SLC8A1: variants seen among roughly 807,000 people sequenced by gnomAD.
SLC8A1 encodes solute carrier family 8 member A1.
A neutral mutation model predicts 68.3 loss-of-function variants in SLC8A1; 18 were observed. The ratio of observed to expected loss-of-function variants is 0.26; its 90% CI spans 0.18 to 0.39. SLC8A1 has a LOEUF of 0.39. Ranked by LOEUF, SLC8A1 falls within the 10% of genes least tolerant of loss-of-function variation. The probability of loss-of-function intolerance (pLI) is 1.00; values close to 1 mark genes in which losing one functional copy is unlikely to be tolerated. For missense variants in SLC8A1, 985 were observed against 1,156.7 expected, an observed-to-expected ratio of 0.85 and a Z score of 2.15; for synonymous variants, 475 against 415.5, an observed-to-expected ratio of 1.14 and a Z score of -1.74.
chr2:40,309,677 T>C (rs1313979137), intron 2 of SLC8A1, among the ~76,000 whole-genome samples: 1 of 152,032 alleles, frequency 6.6e-6, no homozygotes, highest in East Asian at 1.9e-4. Context: ...AGCTAATTTT[T>C]GTATTTTCAG....
intron 3 of SLC8A1, among the ~76,000 whole-genome samples, 199 bp from the exon 5 acceptor site, chr2:40,175,041 T>G (rs1281642761): frequency 6.6e-6 from 1 of 152,142 alleles, no homozygotes; most frequent in African/African-American, 2.4e-5. Flanking sequence ...AATTTAATTC[T>G]TGTGCATACC....
At chr2:40,180,448 G>A (rs34078731) in intron 2 of SLC8A1, among the ~76,000 whole-genome samples, 1,676 of 152,206 alleles carry the variant, frequency 0.011, 10 homozygotes, top group African/African-American at 0.018. Context: ...CAAAACTTAC[G>A]CATTTTGGGT....
At chr2:40,117,022 T>A (rs904131894) in intron 7 of SLC8A1, 3 of 152,196 alleles carry the variant, frequency 2.0e-5, no homozygotes, top group African/African-American at 7.2e-5. Flanking sequence ...ACTGCTCACT[T>A]CAGAGTGCTG....
intron 2 of SLC8A1, among the ~76,000 whole-genome samples, chr2:40,284,859 A>G (rs895344176): frequency 2.0e-5 from 3 of 152,014 alleles, no homozygotes; most frequent in African/African-American, 4.8e-5. Context: ...CACTTCTTCA[A>G]GAGGTAAAAG....
At chr2:40,244,910 G>A (rs1043123092) in intron 2 of SLC8A1, among the ~76,000 whole-genome samples, 5 of 152,152 alleles carry the variant, frequency 3.3e-5, no homozygotes, top group African/African-American at 1.2e-4. Context: ...AAGTCCCAGT[G>A]CACTCATTCT....
At chr2:40,240,547 GCTGT>G (rs1234702047) in intron 2 of SLC8A1, among the ~76,000 whole-genome samples, 1 of 152,088 alleles carries the variant, frequency 6.6e-6, no homozygotes, top group Non-Finnish European at 1.5e-5. Context: ...TCCCAGAGAG[GCTGT>G]CTCTCTATTG....
At chr2:40,375,322 C>T (rs897622565) in intron 2 of SLC8A1, among the ~76,000 whole-genome samples, 10 of 152,142 alleles carry the variant, frequency 6.6e-5, no homozygotes, top group African/African-American at 9.6e-5. Context: ...TATTTATCTT[C>T]CTGTTGGTTT....
At chr2:40,393,213 A>AT (rs1322910454) in intron 2 of SLC8A1, among the ~76,000 whole-genome samples, 2 of 148,938 alleles carry the variant, frequency 1.3e-5, no homozygotes, top group Non-Finnish European at 3.0e-5. Context: ...TTTTTCTGAA[A>AT]ATTCCGAAAG....
chr2:40,306,949 G>T (rs79519157), intron 2 of SLC8A1, among the ~76,000 whole-genome samples: 1 of 151,974 alleles, frequency 6.6e-6, no homozygotes, highest in African/African-American at 2.4e-5. Context: ...TATAGTAAAG[G>T]CTTGTTCTGT....
intron 2 of SLC8A1, chr2:40,220,515 C>G (rs553014623): frequency 6.6e-6 from 1 of 152,300 alleles, no homozygotes; most frequent in African/African-American, 2.4e-5. Context: ...GCTAGCTGAT[C>G]TGGAGACTAG....
intron 7 of SLC8A1, among the ~76,000 whole-genome samples, chr2:40,133,393 G>A (rs201090717): frequency 9.8e-4 from 1 of 1,020 alleles, no homozygotes; most frequent in African/African-American, 2.2e-3. Context: ...TACAAAATTG[G>A]GGGGGGGGGG....
At chr2:40,472,345 G>A (rs1704035618) in intron 1 of SLC8A1, among the ~76,000 whole-genome samples, 1 of 151,978 alleles carries the variant, frequency 6.6e-6, no homozygotes, top group South Asian at 2.1e-4. Context: ...TTACTCCAGG[G>A]AGTTGGAGAT....
At chr2:40,502,937 A>G (rs1049410153) in intron 1 of SLC8A1, among the ~76,000 whole-genome samples, 7 of 152,000 alleles carry the variant, frequency 4.6e-5, no homozygotes, top group Admixed American at 1.3e-4. Flanking sequence ...AAGCTCGAGC[A>G]ATAGCAAAAC....
exon 7 of SLC8A1, chr2:40,139,514 A>C: frequency 6.2e-7 from 1 of 1,614,204 alleles, no homozygotes; most frequent in Non-Finnish European, 8.5e-7. Flanking sequence ...CAGTAGGCCA[A>C]TCATGAGGAT....
Position 40,479,277 on chromosome 2 carries a change from G to A in SLC8A1, c.-25+33072C>T, listed in dbSNP as rs1277252213. ...AAATATTTAAGAGCTGTCAAAATTT[G>A]TATCTTTTGTATGTAACTTCAACTT... is the stretch of plus-strand genomic sequence containing the variant. On this transcript the variant is annotated intron_variant, in intron 1 of 7. Coordinates refer to the SLC8A1 transcript ENST00000402441. Among the ~76,000 whole-genome samples the A allele has an allele frequency of 2.0e-5, 3 of 152,200 alleles. No homozygotes were observed. The East Asian group carries it at 5.8e-4, about 29-fold the overall frequency.
intron 2 of SLC8A1, among the ~76,000 whole-genome samples, chr2:40,338,209 G>A (rs188629258): frequency 6.6e-6 from 1 of 152,108 alleles, no homozygotes; most frequent in Non-Finnish European, 1.5e-5. Context: ...TCAGAAGACA[G>A]AGATCTTCAA....
At chr2:40,305,547 G>A (rs1380412002) in intron 2 of SLC8A1, among the ~76,000 whole-genome samples, 1 of 152,158 alleles carries the variant, frequency 6.6e-6, no homozygotes, top group Non-Finnish European at 1.5e-5. Context: ...CAGGAAAAGG[G>A]ATTATTAATA....
chr2:40,238,426 C>A (rs1009909273), intron 2 of SLC8A1, among the ~76,000 whole-genome samples: 4 of 93,398 alleles, frequency 4.3e-5, no homozygotes, highest in East Asian at 3.2e-4. Context: ...TGACCCCTTG[C>A]ACTTCCCAAG....
At chr2:40,237,588 G>A (rs1307000821) in intron 2 of SLC8A1, among the ~76,000 whole-genome samples, 26 of 152,156 alleles carry the variant, frequency 1.7e-4, no homozygotes, top group African/African-American at 4.3e-4. Context: ...ATCGTCTGAA[G>A]CCTTCTTCTC....
Sources: allele counts gnomAD v4.1 joint callset (sites outside exome capture counted in the v4.1 genomes callset), GRCh38; gene constraint gnomAD v4.1.1; transcripts MANE v1.5; gene names NCBI Gene and HGNC (gene_info 2026-07-23, HGNC 2026-07-21).